The following UNC45A variants were observed in gnomAD, a reference collection of about 807,000 sequenced individuals.
UNC45A encodes the protein unc-45 myosin chaperone A.
A neutral mutation model predicts 103.2 loss-of-function variants in UNC45A; 78 were observed. That is an observed-to-expected ratio of 0.76 (90% CI 0.63 to 0.91). UNC45A has a LOEUF of 0.91. UNC45A is among the 40% of genes least tolerant of loss of function. UNC45A has a pLI of 0.00. For missense variants in UNC45A, 1,193 were observed against 1,224.8 expected (o/e 0.97, Z 0.39); for synonymous variants, 495 against 504.6 (o/e 0.98, Z 0.25).
At chr15:90,938,815 G>T (rs1433115338) in intron 4 of UNC45A, among the ~76,000 whole-genome samples, 1 of 151,916 alleles carries the variant, frequency 6.6e-6, no homozygotes, top group African/African-American at 2.4e-5. Flanking sequence ...GGGATTACAG[G>T]CACCCGCCAC....
chr15:90,934,571 C>A (rs1235414316), upstream of UNC45A: 7 of 398,876 alleles, frequency 1.8e-5, no homozygotes, highest in Non-Finnish European at 3.1e-5. Context: ...AACCCCAGAG[C>A]CACTGGAACA....
At chr15:90,931,457 C>A, upstream of UNC45A, 4 of 1,613,748 alleles carry the variant, frequency 2.5e-6, no homozygotes, top group Non-Finnish European at 3.4e-6. Flanking sequence ...GAAAGCACTG[C>A]CTTTTCCCCA....
chr15:90,939,433 C>G (rs2036177066), intron 4 of UNC45A, among the ~76,000 whole-genome samples: 5 of 152,214 alleles, frequency 3.3e-5, no homozygotes, highest in African/African-American at 1.2e-4. Flanking sequence ...TAGATGGCAC[C>G]ACTGGGAGTG....
rs768395749 is a variant in UNC45A at position 90,942,490 on chromosome 15, C to A, written c.741C>A (p.Gly247=). 7 of 1,614,116 alleles carry A rather than the reference C, an allele frequency of 4.3e-6. No individual in the cohort carries two copies. In the East Asian group the frequency reaches 1.6e-4, roughly 36 times the overall value. The change falls in exon 7 of 20, where the codon GGC becomes GGA. Residue 247 remains glycine, a synonymous_variant. Coordinates refer to ENST00000418476, the MANE Select transcript of UNC45A (RefSeq NM_018671.5). The part of the protein sequence containing the change: ...LGTRRVVSIL[G]VESQAVSLAA... ...CTCGGCGAGTAGTCTCCATCCTGGG[C>A]GTGGAAAGCCAGGCTGTGTCCCTGG...
At chr15:90,944,449 T>C (rs2036458373) in intron 8 of UNC45A, among the ~76,000 whole-genome samples, 1 of 151,986 alleles carries the variant, frequency 6.6e-6, no homozygotes, top group Non-Finnish European at 1.5e-5. Context: ...CCTTTCACAA[T>C]GGTCCTATGA....
chr15:90,949,282 C>T, intron 13 of UNC45A, 34 bp from the exon 14 acceptor site: 1 of 1,603,748 alleles, frequency 6.2e-7, no homozygotes, highest in Non-Finnish European at 8.5e-7. Context: ...GTGAGTCAGC[C>T]TAGGCCCCTC....
Position 90,935,650 on chromosome 15 carries a change from C to T in UNC45A, c.158C>T (p.Thr53Met), listed in dbSNP as rs202171374. Residue 53 changes from threonine (T) to methionine (M), a missense_variant, in exon 2 of 20, where the codon ACG becomes ATG. Transcript: ENST00000418476. ...AYTQALGLDA[T>M]PQDQAVLHRN... ...ACTCAGGCCCTGGGTCTGGACGCGACGCCCCAGGACCAGGCCGTTCTGCAC... is the reference window on the plus strand; with the variant it reads ...ACTCAGGCCCTGGGTCTGGACGCGATGCCCCAGGACCAGGCCGTTCTGCAC... The T allele has an allele frequency of 7.5e-6, 12 of 1,607,858 alleles. No individual in the cohort carries two copies. The African/African-American group carries it at 1.5e-4, about 20-fold the overall frequency.
chr15:90,942,873 C>A, intron 7 of UNC45A, 39 bp from the exon 8 acceptor site: 1 of 1,570,078 alleles, frequency 6.4e-7, no homozygotes, highest in African/African-American at 1.4e-5. Context: ...CTGGGCTGGG[C>A]TGCTGTGGAG....
Position 90,948,677 on chromosome 15 carries a change from T to C in UNC45A, c.1761T>C (p.Phe587=). Reference sequence around the variant, plus strand: ...AGTTGGAGGAGAGGTCAGTGCTCTTTGCGGTGGCCTCAGCGCTGGTGAACT... The same window carrying C: ...AGTTGGAGGAGAGGTCAGTGCTCTTCGCGGTGGCCTCAGCGCTGGTGAACT... ...LSRLEERSVL[F]AVASALVNCT... Residue 587 remains phenylalanine (F), a synonymous_variant, in exon 13 of 20, where the codon TTT becomes TTC. Coordinates refer to ENST00000418476, the MANE Select transcript of UNC45A (RefSeq NM_018671.5). The C allele has an allele frequency of 6.2e-7, 1 of 1,614,058 alleles. No homozygotes were observed. Among genetic ancestry groups the C allele is most frequent in the East Asian group, 2.2e-5 (1 of 44,878 alleles).
At chr15:90,931,934 A>G (rs747316900), upstream of UNC45A, 1 of 1,613,876 alleles carries the variant, frequency 6.2e-7, no homozygotes, top group Non-Finnish European at 8.5e-7. Flanking sequence ...CGTGTCATGG[A>G]GCAGGGCCGC....
chr15:90,931,667 C>T, upstream of UNC45A: 2 of 1,613,924 alleles, frequency 1.2e-6, no homozygotes, highest in South Asian at 1.1e-5. Flanking sequence ...GGCGGCATCC[C>T]CCTCCCTTTT....
At chr15:90,952,600 T>C (rs963036301) in intron 17 of UNC45A, 1 of 250,288 alleles carries the variant, frequency 4.0e-6, no homozygotes, top group African/African-American at 2.2e-5. Context: ...TTTTTTTGTC[T>C]TTTTAGTAGA....
At position 90,952,977 on chromosome 15, in the gene UNC45A, G is replaced by A. The variant is rs1429504249; in HGVS notation, c.2352G>A (p.Met784Ile). The A allele has an allele frequency of 6.2e-7, 1 of 1,613,446 alleles. No individual in the cohort carries two copies. The highest frequency in any genetic ancestry group is 1.3e-5 in the African/African-American group (1 of 74,936). The change falls in exon 18 of 20, where the codon ATG (methionine) becomes ATA (isoleucine). Residue 784 changes from methionine to isoleucine, a missense_variant. Physicochemically the swap from Met to Ile is conservative, Grantham distance 10. Coordinates refer to ENST00000418476, the MANE Select transcript of UNC45A (RefSeq NM_018671.5). ...CTGTGCCCATGATAGAAGGCTACAT[G>A]TTTGAGGAGCATGAGATGATCCGCC... is the stretch of plus-strand genomic sequence containing the variant. Reference protein sequence around the residue: ...EKAVPMIEGYMFEEHEMIRRA... With the variant: ...EKAVPMIEGYIFEEHEMIRRA...
intron 6 of UNC45A, among the ~76,000 whole-genome samples, chr15:90,941,205 C>G (rs1244738087): frequency 6.6e-6 from 1 of 152,196 alleles, no homozygotes. Context: ...CTGGCCACCA[C>G]AGCATCTACC....
At chr15:90,940,177 T>G in intron 5 of UNC45A, 129 bp from the exon 6 acceptor site, 1 of 1,003,318 alleles carries the variant, frequency 1.0e-6, no homozygotes, top group Non-Finnish European at 1.5e-6. Flanking sequence ...AAAGAGGTTA[T>G]TTTTTGGCCG....
chr15:90,931,693 C>T (rs957292376), upstream of UNC45A: 1 of 1,613,994 alleles, frequency 6.2e-7, no homozygotes. Context: ...ACAGCCCATA[C>T]GAAAGCGTAC....
At chr15:90,931,691 T>G (rs768857344), upstream of UNC45A, 1 of 1,614,026 alleles carries the variant, frequency 6.2e-7, no homozygotes, top group South Asian at 1.1e-5. Context: ...TTACAGCCCA[T>G]ACGAAAGCGT....
At chr15:90,951,426 G>A (rs2036906415) in intron 17 of UNC45A, among the ~76,000 whole-genome samples, 1 of 152,158 alleles carries the variant, frequency 6.6e-6, no homozygotes, top group Admixed American at 6.5e-5. Flanking sequence ...ATAGGGCCAT[G>A]GTGAGAATTA....
chr15:90,950,598 G>A lies in UNC45A; in HGVS notation c.2286G>A (p.Gly762=), dbSNP rs1284489709. ...EALMALTNLA[G]ISERLRQKIL... is the part of the protein sequence containing the mutation. ...TCATGGCCCTAACAAACCTGGCTGG[G>A]ATCAGCGAGAGGCTCCGGTAAGGTC... The change falls in exon 17 of 20, where the codon GGG becomes GGA. Residue 762 remains glycine (G), a synonymous_variant. Coordinates refer to ENST00000418476, the MANE Select transcript of UNC45A (RefSeq NM_018671.5). 1.9e-6 allele frequency: 3 copies of A among 1,614,078 alleles called. No homozygotes were observed. Among genetic ancestry groups the A allele is most frequent in the African/African-American group, 1.3e-5 (1 of 74,954 alleles).
Sources: allele counts gnomAD v4.1 joint callset (sites outside exome capture counted in the v4.1 genomes callset), GRCh38; gene constraint gnomAD v4.1.1; transcripts MANE v1.5; gene names NCBI Gene and HGNC (gene_info 2026-07-23, HGNC 2026-07-21).